Variants in CSF2RA observed in about 807,000 individuals in gnomAD.
The protein encoded by CSF2RA is granulocyte-macrophage colony-stimulating factor receptor subunit alpha.
Under a neutral mutation model 51.6 loss-of-function variants are expected in CSF2RA, and 42 were observed. The observed-to-expected ratio is 0.81, with a 90% CI of 0.64 to 1.05. CSF2RA has a LOEUF of 1.05. CSF2RA is among the 50% of genes least tolerant of loss of function. The pLI, the probability that CSF2RA is intolerant of heterozygous loss-of-function variation, is 0.00. For missense variants in CSF2RA, 530 were observed against 501.1 expected, an observed-to-expected ratio of 1.06 and a Z score of -0.55; for synonymous variants, 222 against 193.0, an observed-to-expected ratio of 1.15 and a Z score of -1.24.
At chrX:1,270,755 A>G (rs1321671146) in intron 1 of CSF2RA, among the ~76,000 whole-genome samples, 2 of 150,990 alleles carry the variant, frequency 1.3e-5, no homozygotes. Context: ...CCTATTCTAG[A>G]TGGAGTCCCT....
At chrX:1,284,092 A>G (rs1282242415) in intron 3 of CSF2RA, among the ~76,000 whole-genome samples, 1 of 150,282 alleles carries the variant, frequency 6.7e-6, no homozygotes, top group Non-Finnish European at 1.5e-5. Flanking sequence ...TTTATATTAA[A>G]CTGCCAAGGT....
Position 1,288,692 on chromosome X carries a change from C to A in CSF2RA, c.343+50C>A, listed in dbSNP as rs183840941. ...GTTTACAGCACTGGCCCCACCACCC[C>A]GCCAGCATCAAAGTACATCCCGTTG... On this transcript the variant is annotated intron_variant, in intron 5 of 12. Transcript: ENST00000381529. 4 of 1,613,782 alleles carry A rather than the reference C, an allele frequency of 2.5e-6. No individual in the cohort carries two copies. The African/African-American group carries it at 4.0e-5, about 16-fold the overall frequency.
intron 10 of CSF2RA, among the ~76,000 whole-genome samples, chrX:1,300,971 T>G (rs2092326522): frequency 6.6e-6 from 1 of 151,848 alleles, no homozygotes. Flanking sequence ...CTGGCCAACA[T>G]GGTGAAACCC....
rs1321376079 is a variant in CSF2RA at position 1,285,991 on chromosome X, G to A, written c.219+71G>A. The A allele has an allele frequency of 2.1e-4, 340 of 1,599,464 alleles. 1 individual carries two copies. In the African/African-American group the frequency reaches 2.9e-3, roughly 13 times the overall value. ...TTTCTGAGTTAAAAGCAACAGGGCCGGCTGGGCGCGGCGGCTCACGCCTGT... is the reference window on the plus strand; with the variant it reads ...TTTCTGAGTTAAAAGCAACAGGGCCAGCTGGGCGCGGCGGCTCACGCCTGT... On this transcript the variant is annotated intron_variant, in intron 4 of 12. Transcript: ENST00000381529.
chrX:1,307,803 T>C lies in CSF2RA; in HGVS notation c.1126-1599T>C, dbSNP rs2148701724. Among the ~76,000 whole-genome samples, 2 of 138,812 alleles carry C rather than the reference T, an allele frequency of 1.4e-5. 1 individual carries two copies. The highest frequency in any genetic ancestry group is 1.4e-4 in the Admixed American group (2 of 13,928). 91.1% of individuals were successfully genotyped at this position (138,812 alleles called of 152,430 possible). On this transcript the variant is annotated intron_variant, in intron 12 of 12. Coordinates refer to ENST00000381529, the MANE Select transcript of CSF2RA (RefSeq NM_172245.4). ...GGCCCACCTTTCCCTTTTTAGACCT[T>C]TGACTGATTAGATGAGGCCTACCCT... is the stretch of plus-strand genomic sequence containing the variant.
intron 12 of CSF2RA, among the ~76,000 whole-genome samples, chrX:1,307,632 C>CA (rs1556579391): frequency 1.4e-4 from 20 of 145,570 alleles, no homozygotes; most frequent in Non-Finnish European, 3.0e-5. Flanking sequence ...CCACCCTCCC[C>CA]TTTATACCTT....
intron 7 of CSF2RA, among the ~76,000 whole-genome samples, chrX:1,291,873 A>G (rs370079716): frequency 2.0e-4 from 26 of 127,810 alleles, no homozygotes; most frequent in South Asian, 2.6e-4. Flanking sequence ...AGTCAAAGAG[A>G]TGTCCCTACT....
chrX:1,322,442 T>TTTG, the CSF2RA span, among the ~76,000 whole-genome samples: 8 of 83,462 alleles, frequency 9.6e-5, no homozygotes, highest in African/African-American at 3.4e-4. Context: ...TGTGTTTGTT[T>TTTG]TTTTTTTTTT....
intron 9 of CSF2RA, among the ~76,000 whole-genome samples, chrX:1,295,791 C>G (rs866478085): frequency 2.0e-5 from 3 of 151,676 alleles, no homozygotes; most frequent in African/African-American, 7.3e-5. Context: ...CCACCTGGAC[C>G]CCGTGTAGAC....
intron 3 of CSF2RA, among the ~76,000 whole-genome samples, chrX:1,284,338 G>C (rs1339678779): frequency 1.8e-4 from 27 of 149,842 alleles, no homozygotes; most frequent in African/African-American, 5.5e-4. Flanking sequence ...AAGTAGCTGG[G>C]ACTGCAGAAA....
intron 2 of CSF2RA, among the ~76,000 whole-genome samples, chrX:1,277,296 C>T (rs2089302112): frequency 6.6e-6 from 1 of 151,786 alleles, no homozygotes. Flanking sequence ...TTGGATCTCA[C>T]GCAAGAAAGA....
At chrX:1,320,363 G>A in the CSF2RA span, among the ~76,000 whole-genome samples, 1 of 152,010 alleles carries the variant, frequency 6.6e-6, no homozygotes, top group East Asian at 1.9e-4. Context: ...AACTTCCCCA[G>A]AGAGAGAATT....
At chrX:1,324,861 A>T in the CSF2RA span, among the ~76,000 whole-genome samples, 2 of 152,060 alleles carry the variant, frequency 1.3e-5, no homozygotes, top group African/African-American at 4.8e-5. Context: ...CCCCTGAGGG[A>T]AAGAAAGGCA....
chrX:1,323,796 T>G, the CSF2RA span, among the ~76,000 whole-genome samples: 3 of 150,638 alleles, frequency 2.0e-5, no homozygotes, highest in South Asian at 2.1e-4. Context: ...GGGCAGATCA[T>G]GAGGTCAGGA....
chrX:1,290,093 T>C (rs1368124268), intron 6 of CSF2RA, among the ~76,000 whole-genome samples: 7 of 151,920 alleles, frequency 4.6e-5, no homozygotes, highest in Admixed American at 1.3e-4. Context: ...GTGTTTTGTT[T>C]TGTGTTTGTT....
At chrX:1,287,482 C>G (rs760139923) in intron 4 of CSF2RA, among the ~76,000 whole-genome samples, 3 of 134,334 alleles carry the variant, frequency 2.2e-5, no homozygotes, top group Non-Finnish European at 4.8e-5. Context: ...CTCGCTCTGT[C>G]GCCCAGGCTG....
chrX:1,290,077 G>T (rs1323921229), intron 6 of CSF2RA, among the ~76,000 whole-genome samples: 1 of 105,120 alleles, frequency 9.5e-6, no homozygotes. Context: ...TTTGATTTGT[G>T]TTTTTGTGTT....
chrX:1,323,158 T>TATAAAATAAAATAAAAAAATAAA, the CSF2RA span, among the ~76,000 whole-genome samples: 1 of 133,956 alleles, frequency 7.5e-6, no homozygotes, highest in Non-Finnish European at 1.5e-5. Flanking sequence ...ACATTACAAT[T>TATAAAATAAAATAAAAAAATAAA]ATAAAATAAA....
chrX:1,287,461 T>TGG (rs2090863956), intron 4 of CSF2RA, among the ~76,000 whole-genome samples: 1 of 140,442 alleles, frequency 7.1e-6, no homozygotes, highest in African/African-American at 2.7e-5. Flanking sequence ...CTTTATTTTT[T>TGG]GGGATGGAGT....
Sources: gnomAD v4.1 joint callset for allele counts (sites outside exome capture counted in the v4.1 genomes callset) on GRCh38, gnomAD v4.1.1 for gene constraint, MANE v1.5 for transcripts, NCBI Gene and HGNC (gene_info 2026-07-23, HGNC 2026-07-21) for gene names.